Variants in NAV2 observed in about 807,000 individuals in gnomAD.
NAV2 encodes helicase, APC down-regulated 1.
In NAV2, 54 loss-of-function variants were observed where a neutral mutation model predicts 223.2. That is an observed-to-expected ratio of 0.24 (90% CI 0.19 to 0.30). The LOEUF (loss-of-function observed/expected upper bound fraction) is 0.30, where lower values mean the gene tolerates loss of function less well. Ranked by LOEUF, NAV2 falls within the 10% of genes least tolerant of loss-of-function variation. The pLI is 1.00. For synonymous variants in NAV2, 1,279 were observed against 1,239.3 expected (o/e 1.03, Z -0.67); for missense variants, 2,806 against 3,147.5 (o/e 0.89, Z 2.60).
At chr11:19,485,472 G>A (rs879301095) in intron 1 of NAV2, among the ~76,000 whole-genome samples, 1 of 152,096 alleles carries the variant, frequency 6.6e-6, no homozygotes, top group African/African-American at 2.4e-5. Context: ...GCTTGACTGA[G>A]GGACATTTAA....
intron 6 of NAV2, among the ~76,000 whole-genome samples, chr11:19,912,763 A>C (rs1431622532): frequency 2.0e-5 from 3 of 152,188 alleles, no homozygotes; most frequent in African/African-American, 7.2e-5. Context: ...TACTGTATGT[A>C]TACATCTTGC....
At chr11:19,665,862 A>G (rs1349193578) in intron 1 of NAV2, among the ~76,000 whole-genome samples, 1 of 152,230 alleles carries the variant, frequency 6.6e-6, no homozygotes, top group East Asian at 1.9e-4. Context: ...ACCATAATTG[A>G]AAGTTATTTC....
In NAV2 at chr11:20,045,682, C is replaced by A; in HGVS notation, c.3902+12C>A. On this transcript the variant is annotated intron_variant, in intron 14 of 37. Coordinates refer to ENST00000349880, the MANE Select transcript of NAV2 (RefSeq NM_145117.5). ...CCCACACTCCGCAGGTAAGTGAGTA[C>A]ATAAATGGTGCAGAGCAGAACCAGA... 6.2e-7 allele frequency: 1 copy of A among 1,600,158 alleles called. No individual in the cohort carries two copies.
At chr11:19,652,114 A>C (rs565265410) in intron 1 of NAV2, among the ~76,000 whole-genome samples, 7 of 152,312 alleles carry the variant, frequency 4.6e-5, no homozygotes, top group Admixed American at 3.9e-4. Context: ...CCAAGATATT[A>C]ACCAATTAAA....
chr11:19,718,355 A>G (rs1464285987), intron 1 of NAV2, among the ~76,000 whole-genome samples: 1 of 152,198 alleles, frequency 6.6e-6, no homozygotes, highest in Non-Finnish European at 1.5e-5. Flanking sequence ...AAATATATAC[A>G]TATATAAAAT....
intron 12 of NAV2, 144 bp downstream of exon 12, chr11:20,036,241 C>A: frequency 1.1e-6 from 1 of 930,552 alleles, no homozygotes; most frequent in Non-Finnish European, 1.6e-6. Context: ...CCTCTGCTCT[C>A]ACCTCCTGAC....
At chr11:19,876,389 C>T (rs917269319) in intron 4 of NAV2, among the ~76,000 whole-genome samples, 1 of 152,124 alleles carries the variant, frequency 6.6e-6, no homozygotes, top group African/African-American at 2.4e-5. Flanking sequence ...TACAGTAGGA[C>T]ATATGCCCAT....
chr11:19,887,575 T>C (rs2041122310), intron 5 of NAV2, among the ~76,000 whole-genome samples: 2 of 152,156 alleles, frequency 1.3e-5, no homozygotes. Context: ...TAAATATAAA[T>C]TAATAAAGTC....
chr11:19,551,903 C>G (rs1441920844), intron 1 of NAV2, among the ~76,000 whole-genome samples: 1 of 135,320 alleles, frequency 7.4e-6, no homozygotes, highest in East Asian at 1.9e-4. Context: ...CCTCTTCTCT[C>G]TCTCTCTCTC....
chr11:20,104,292 A>C (rs1247042773), intron 34 of NAV2: 1 of 155,040 alleles, frequency 6.4e-6, no homozygotes, highest in Non-Finnish European at 1.4e-5. Flanking sequence ...GCTAGATTGC[A>C]TTGCTGCCTG....
intron 14 of NAV2, 33 bp downstream of exon 14, chr11:20,045,703 C>A: frequency 6.6e-7 from 1 of 1,525,392 alleles, no homozygotes; most frequent in Non-Finnish European, 9.0e-7. Flanking sequence ...CAGAGCAGAA[C>A]CAGAATACAG....
At chr11:20,043,901 T>G in intron 12 of NAV2, 80 bp from the exon 13 acceptor site, 1 of 1,358,406 alleles carries the variant, frequency 7.4e-7, no homozygotes, top group Non-Finnish European at 1.0e-6. Context: ...CTCCAGTGTT[T>G]TGGCATTTTT....
chr11:19,555,189 A>G (rs2044838242), intron 1 of NAV2, among the ~76,000 whole-genome samples: 1 of 152,180 alleles, frequency 6.6e-6, no homozygotes, highest in Non-Finnish European at 1.5e-5. Context: ...GCCATCAATG[A>G]GGTGGGGAAG....
intron 8 of NAV2, 120 bp downstream of exon 8, chr11:19,939,893 G>T: frequency 1.8e-6 from 1 of 558,764 alleles, no homozygotes. Flanking sequence ...TTGACTTTGA[G>T]CTAAACAAAC....
intron 1 of NAV2, among the ~76,000 whole-genome samples, chr11:19,377,864 C>CT (rs1386513263): frequency 6.6e-5 from 10 of 152,090 alleles, no homozygotes; most frequent in African/African-American, 2.4e-4. Flanking sequence ...ACAGAGGGGC[C>CT]TTTTTGTTGG....
At chr11:19,688,915 A>G (rs562409857) in intron 1 of NAV2, among the ~76,000 whole-genome samples, 87 of 152,244 alleles carry the variant, frequency 5.7e-4, no homozygotes, top group African/African-American at 1.9e-3. Context: ...AAAGAGCCCA[A>G]TTTGGATGAA....
At chr11:19,478,607 C>T (rs1244694584) in intron 1 of NAV2, among the ~76,000 whole-genome samples, 1 of 152,232 alleles carries the variant, frequency 6.6e-6, no homozygotes, top group Non-Finnish European at 1.5e-5. Context: ...GTTCTTGCTT[C>T]TGCAAATACA....
chr11:20,047,747 A>G lies in NAV2; in HGVS notation c.3903-981A>G, dbSNP rs1243610935. Among the ~76,000 whole-genome samples the G allele has an allele frequency of 2.0e-5, 3 of 152,342 alleles. No individual in the cohort carries two copies. In the East Asian group the frequency reaches 5.8e-4, roughly 29 times the overall value. ...TGTCTTTACAATACTTGAGATTTAT[A>G]GGACTGTCTAGAGAGGGCAGAGATC... On this transcript the variant is annotated intron_variant, in intron 14 of 37. Coordinates refer to ENST00000349880, the MANE Select transcript of NAV2 (RefSeq NM_145117.5).
Position 19,804,264 on chromosome 11 carries a change from C to T in NAV2, c.268-28220C>T, listed in dbSNP as rs75379408. 4.2e-3 allele frequency among the ~76,000 whole-genome samples: 636 copies of T among 152,266 alleles called. 8 individuals carry two copies. The highest frequency in any genetic ancestry group is 0.042 in the East Asian group (215 of 5,178). ...CATTTTCAATTACAACGTCACCAAA[C>T]GTATGTCTAGTTATTTAGGATTATT... On this transcript the variant is annotated intron_variant, in intron 1 of 37. Coordinates refer to ENST00000349880, the MANE Select transcript of NAV2 (RefSeq NM_145117.5).
Sources: allele counts gnomAD v4.1 joint callset (sites outside exome capture counted in the v4.1 genomes callset), GRCh38; gene constraint gnomAD v4.1.1; transcripts MANE v1.5; gene names NCBI Gene and HGNC (gene_info 2026-07-23, HGNC 2026-07-21).